The following KRT27 variants were observed in gnomAD, a reference collection of about 807,000 sequenced individuals.
The protein encoded by KRT27 is keratin 27.
A neutral mutation model predicts 45.3 loss-of-function variants in KRT27; 30 were observed. The observed-to-expected ratio is 0.66, with a 90% CI of 0.50 to 0.90. The LOEUF is 0.90. Among genes scored for constraint, KRT27 ranks in the 40% least tolerant of loss-of-function variants. The probability of loss-of-function intolerance (pLI) is 0.00; values close to 1 mark genes in which losing one functional copy is unlikely to be tolerated. For missense variants in KRT27, 610 were observed against 564.3 expected (o/e 1.08, Z -0.82); for synonymous variants, 204 against 223.9 (o/e 0.91, Z 0.79).
chr17:40,777,053 C>T lies in KRT27; in HGVS notation c.1326G>A (p.Val442=). The T allele has an allele frequency of 1.2e-6, 2 of 1,613,862 alleles. No individual in the cohort carries two copies. Among genetic ancestry groups the T allele is most frequent in the African/African-American group, 1.3e-5 (1 of 75,030 alleles). ...GKVLSSRVHT[V]EEKSTKVNNK... ...TGTTGACTTTGGTGGATTTCTCTTCCACAGTGTGAACTCTGGATGAGAGAA... is the reference window on the plus strand; with the variant it reads ...TGTTGACTTTGGTGGATTTCTCTTCTACAGTGTGAACTCTGGATGAGAGAA... The change falls in exon 8 of 8, where the codon GTG becomes GTA. Residue 442 remains valine (V), a synonymous_variant. Coordinates refer to ENST00000301656, the MANE Select transcript of KRT27 (RefSeq NM_181537.4).
At position 40,780,429 on chromosome 17, in the gene KRT27, C is replaced by G. The variant is rs1439691360; in HGVS notation, c.555G>C (p.Gln185His). 2 of 1,613,892 alleles carry G rather than the reference C, an allele frequency of 1.2e-6. No individual in the cohort carries two copies. Among genetic ancestry groups the G allele is most frequent in the Non-Finnish European group, 8.5e-7 (1 of 1,179,968 alleles). Residue 185 changes from glutamine (Q) to histidine (H), a missense_variant, in exon 3 of 8, where the codon CAG becomes CAC. By Grantham distance (24) the Gln-to-His change is conservative. Coordinates refer to ENST00000301656, the MANE Select transcript of KRT27 (RefSeq NM_181537.4). ...AACCATTGATGTCCGCCTCCACGCT[C>G]TGGTGAAGCGCTAGCTCGTTTTCAA... ...LKFENELALH[Q>H]SVEADINGLR...
rs112510818 is a variant in KRT27 at position 40,782,490 on chromosome 17, A to G, written c.4T>C (p.Ser2Pro). 9 of 1,557,540 alleles carry G rather than the reference A, an allele frequency of 5.8e-6. No individual in the cohort carries two copies. Among genetic ancestry groups the G allele is most frequent in the African/African-American group, 2.7e-5 (2 of 72,990 alleles). M[S>P]VRFSSTSRRL... Reference sequence around the variant, plus strand: ...CTGGAGGTAGAAGAAAAGCGCACAGACATGGTGTCCGGAGGCTGGAGCCTT... The same window carrying G: ...CTGGAGGTAGAAGAAAAGCGCACAGGCATGGTGTCCGGAGGCTGGAGCCTT... Residue 2 changes from serine to proline, a missense_variant, in exon 1 of 8, where the codon TCT becomes CCT. Ser to Pro is a moderately conservative substitution (Grantham distance 74). Coordinates refer to ENST00000301656, the MANE Select transcript of KRT27 (RefSeq NM_181537.4).
Position 40,782,116 on chromosome 17 carries a change from A to G in KRT27, c.378T>C (p.Gly126=). 7.4e-6 allele frequency: 12 copies of G among 1,614,154 alleles called. No homozygotes were observed. Among genetic ancestry groups the G allele is most frequent in the Non-Finnish European group, 1.0e-5 (12 of 1,180,036 alleles). ...AATCATGATCAAGGCCACGGCAAGA[A>G]CCAGGTCCAAATTTCTCATACCACC... ...IKGWYEKFGP[G]SCRGLDHDYS... is the part of the protein sequence containing the mutation. The change falls in exon 1 of 8, where the codon GGT becomes GGC. Residue 126 remains glycine (G), a synonymous_variant. Transcript: ENST00000301656.
In KRT27 at chr17:40,779,514, G is replaced by C. The variant is rs114010637; in HGVS notation, c.960C>G (p.Ser320=). ...TLQTLEIELQ[S]LLATKHSLEC... ...ACTTTTCGCTTACCGTTGCTAAGAGGGACTGAAGTTCAATCTCAAGGGTTT... is the reference window on the plus strand; with the variant it reads ...ACTTTTCGCTTACCGTTGCTAAGAGCGACTGAAGTTCAATCTCAAGGGTTT... Residue 320 remains serine (S), a synonymous_variant, in exon 5 of 8, where the codon TCC becomes TCG. Transcript: ENST00000301656. The C allele has an allele frequency of 6.7e-5, 108 of 1,613,070 alleles. 2 individuals are homozygous for C. In the South Asian group the frequency reaches 1.0e-3, roughly 15 times the overall value.
At chr17:40,780,843 C>A (rs1191173813) in intron 2 of KRT27, among the ~76,000 whole-genome samples, 1 of 151,656 alleles carries the variant, frequency 6.6e-6, no homozygotes, top group East Asian at 1.9e-4. Flanking sequence ...AGCGAGACTC[C>A]GTCTCCAAAA....
chr17:40,782,416 C>A lies in KRT27; in HGVS notation c.78G>T (p.Gly26=), dbSNP rs1175905176. The A allele has an allele frequency of 6.2e-7, 1 of 1,612,822 alleles. No homozygotes were observed. Among genetic ancestry groups the A allele is most frequent in the Admixed American group, 1.7e-5 (1 of 59,860 alleles). Reference sequence around the variant, plus strand: ...TGTTTCCAGCCCCAAAGCCTGCTCCCCCACTAGAGAGCCTCACAGAGCCAG... The same window carrying A: ...TGTTTCCAGCCCCAAAGCCTGCTCCACCACTAGAGAGCCTCACAGAGCCAG... ...GGTGSVRLSS[G]GAGFGAGNTC... Residue 26 remains glycine (G), a synonymous_variant, in exon 1 of 8, where the codon GGG becomes GGT. Coordinates refer to ENST00000301656, the MANE Select transcript of KRT27 (RefSeq NM_181537.4).
At position 40,782,319 on chromosome 17, in the gene KRT27, C is replaced by T. The variant is rs2038321314; in HGVS notation, c.175G>A (p.Gly59Ser). The part of the protein sequence containing the change: ...FGGSSSAGGY[G>S]GGLGGGSASC... ...GCACTTCCCCCGCCCAGACCTCCGC[C>T]ATAGCCTCCTGCAGATGAGCTGCCC... The change falls in exon 1 of 8, where the codon GGC becomes AGC. Residue 59 changes from glycine to serine, a missense_variant. Coordinates refer to ENST00000301656, the MANE Select transcript of KRT27 (RefSeq NM_181537.4). 5.0e-6 allele frequency: 8 copies of T among 1,614,070 alleles called. No individual in the cohort carries two copies. The highest frequency in any genetic ancestry group is 6.8e-6 in the Non-Finnish European group (8 of 1,180,036).
chr17:40,777,164 A>C, intron 7 of KRT27, 26 bp from the exon 8 acceptor site: 1 of 1,611,504 alleles, frequency 6.2e-7, no homozygotes, highest in Non-Finnish European at 8.5e-7. Flanking sequence ...TAAACTGTTT[A>C]GAATTTATCA....
At chr17:40,781,958 G>C (rs2038315248) in intron 1 of KRT27, 92 bp downstream of exon 1, 1 of 1,093,626 alleles carries the variant, frequency 9.1e-7, no homozygotes, top group African/African-American at 1.6e-5. Context: ...TGAGGGCAAA[G>C]CCCTGTTATT....
Position 40,776,921 on chromosome 17 carries a change from T to C in KRT27, c.*78A>G. 7.5e-7 allele frequency: 1 copy of C among 1,340,364 alleles called. No homozygotes were observed. The highest frequency in any genetic ancestry group is 1.4e-5 in the South Asian group (1 of 70,216). The allele number at this position is 1,340,364 out of a possible 1,614,324, so 83.0% of individuals were successfully genotyped here. ...ATTCATTGGAAGAAAAGCAGAAAAATAAGGGGACCCTTATTTAGGAAACTA... is the reference window on the plus strand; with the variant it reads ...ATTCATTGGAAGAAAAGCAGAAAAACAAGGGGACCCTTATTTAGGAAACTA... On this transcript the variant is annotated 3_prime_UTR_variant, in exon 8 of 8. Coordinates refer to ENST00000301656, the MANE Select transcript of KRT27 (RefSeq NM_181537.4).
chr17:40,782,200 G>A lies in KRT27; in HGVS notation c.294C>T (p.Tyr98=), dbSNP rs775844174. The A allele has an allele frequency of 1.2e-6, 2 of 1,614,174 alleles. No homozygotes were observed. Among genetic ancestry groups the A allele is most frequent in the South Asian group, 2.2e-5 (2 of 91,080 alleles). Residue 98 remains tyrosine, a synonymous_variant, in exon 1 of 8, where the codon TAC becomes TAT. Transcript: ENST00000301656. ...MQNLNDRLAS[Y]LENVRALEEA... ...CCTCTAGGGCTCGAACATTCTCCAG[G>A]TAGGAGGCCAAGCGGTCGTTGAGGT...
rs773105463 is a variant in KRT27, at chr17:40,782,263, G to T, written c.231C>A (p.His77Gln). 2 of 1,614,170 alleles carry T rather than the reference G, an allele frequency of 1.2e-6. No individual in the cohort carries two copies. The highest frequency in any genetic ancestry group is 1.7e-6 in the Non-Finnish European group (2 of 1,180,026). The change falls in exon 1 of 8, where the codon CAC (histidine) becomes CAA (glutamine). Residue 77 changes from histidine (H) to glutamine (Q), a missense_variant. By Grantham distance (24) the His-to-Gln change is conservative (BLOSUM62 0). Transcript: ENST00000301656. ...CCTTCTCATTGCCAGAGAGGAGGCCGTGCTCATTCCCTGTGAAGGCAGCAC... is the reference window on the plus strand; with the variant it reads ...CCTTCTCATTGCCAGAGAGGAGGCCTTGCTCATTCCCTGTGAAGGCAGCAC... ...ASCAAFTGNE[H>Q]GLLSGNEKVT... is the part of the protein sequence containing the mutation.
intron 2 of KRT27, 129 bp downstream of exon 2, chr17:40,781,058 AT>A: frequency 1.8e-6 from 1 of 540,758 alleles, no homozygotes; most frequent in South Asian, 3.4e-5. Context: ...TCTAACAGGC[AT>A]TTTGTTTAAA....
chr17:40,782,357 G>A lies in KRT27; in HGVS notation c.137C>T (p.Ser46Phe). 3 of 1,614,186 alleles carry A rather than the reference G, an allele frequency of 1.9e-6. No homozygotes were observed. The highest frequency in any genetic ancestry group is 2.5e-6 in the Non-Finnish European group (3 of 1,180,034). The change falls in exon 1 of 8, where the codon TCT becomes TTT. Residue 46 changes from serine (S) to phenylalanine (F), a missense_variant. Physicochemically the swap from Ser to Phe is radical, Grantham distance 155. Transcript: ENST00000301656. The stretch of plus-strand genomic sequence containing the variant: ...AGATGAGCTGCCCCCAAAAGCACAA[G>A]AGAAGCCACTTCCAATGCCTGGCAC... ...CGVPGIGSGF[S>F]CAFGGSSSAG...
At chr17:40,780,936 T>C (rs557687039) in intron 2 of KRT27, among the ~76,000 whole-genome samples, 2 of 152,334 alleles carry the variant, frequency 1.3e-5, no homozygotes, top group African/African-American at 2.4e-5. Flanking sequence ...ATACATTTCA[T>C]TGAAGCAAGA....
In KRT27 at chr17:40,780,165, A is replaced by G; in HGVS notation, c.684+135T>C. 4.1e-6 allele frequency: 4 copies of G among 983,152 alleles called. No homozygotes were observed. In the South Asian group the frequency reaches 5.7e-5, roughly 14 times the overall value. 60.9% of individuals were successfully genotyped at this position (983,152 alleles called of 1,614,324 possible). On this transcript the variant is annotated intron_variant, in intron 3 of 7. Coordinates refer to ENST00000301656, the MANE Select transcript of KRT27 (RefSeq NM_181537.4). ...AGAAGAATGAATAGAAGCGTCTCAA[A>G]CAATCTAAGCCTTATGGAGAAACTG...
rs776654510 is a variant in KRT27, at chr17:40,779,576, C to G, written c.898G>C (p.Ala300Pro). ...TTCATCTCGATAAGCTCATTCCGGG[C>G]TGAGGTGGTGGCGCCAGCGTCGTCA... ...ISDDAGATTS[A>P]RNELIEMKRT... Residue 300 changes from alanine (A) to proline (P), a missense_variant, in exon 5 of 8, where the codon GCC becomes CCC. Transcript: ENST00000301656. 1 of 1,614,204 alleles carries G rather than the reference C, an allele frequency of 6.2e-7. No individual in the cohort carries two copies.
Position 40,779,485 on chromosome 17 carries a change from T to G in KRT27, c.972+17A>C, listed in dbSNP as rs1205751449. ...CTCAATTTCTAAAGCAAATCTGTTT[T>G]GTAACTTTTCGCTTACCGTTGCTAA... On this transcript the variant is annotated intron_variant, in intron 5 of 7. Coordinates refer to ENST00000301656, the MANE Select transcript of KRT27 (RefSeq NM_181537.4). 3.8e-6 allele frequency: 6 copies of G among 1,589,278 alleles called. No individual in the cohort carries two copies. Among genetic ancestry groups the G allele is most frequent in the Non-Finnish European group, 5.1e-6 (6 of 1,168,466 alleles).
At position 40,779,612 on chromosome 17, in the gene KRT27, G is replaced by A; in HGVS notation, c.862C>T (p.Gln288Ter). 6.2e-7 allele frequency: 1 copy of A among 1,614,234 alleles called. No individual in the cohort carries two copies. Among genetic ancestry groups the A allele is most frequent in the Non-Finnish European group, 8.5e-7 (1 of 1,180,036 alleles). ...WFNEKSASLQ[Q>*]QISDDAGATT... The stretch of plus-strand genomic sequence containing the variant: ...GCGCCAGCGTCGTCAGAGATCTGCT[G>A]CTGCAGCGAGGCGCTCTGGAACGGC... Residue 288 changes from glutamine (Q) to a stop codon, truncating the protein, a stop_gained, in exon 5 of 8, where the codon CAG becomes TAG. Transcript: ENST00000301656. LOFTEE classifies it high-confidence loss of function.
Sources: allele counts gnomAD v4.1 joint callset (sites outside exome capture counted in the v4.1 genomes callset), GRCh38; gene constraint gnomAD v4.1.1; transcripts MANE v1.5; gene names NCBI Gene and HGNC (gene_info 2026-07-23, HGNC 2026-07-21).